Variants in ZPBP observed in about 807,000 individuals in gnomAD.
ZPBP encodes the protein zona pellucida binding protein.
Under a neutral mutation model 44.8 loss-of-function variants are expected in ZPBP, and 26 were observed. The ratio of observed to expected loss-of-function variants is 0.58; its 90% CI spans 0.43 to 0.81. ZPBP has a LOEUF of 0.81. Among genes scored for constraint, ZPBP ranks in the 30% least tolerant of loss-of-function variants. The pLI, the probability that ZPBP is intolerant of heterozygous loss-of-function variation, is 0.00. For synonymous variants in ZPBP, 174 were observed against 153.2 expected, an observed-to-expected ratio of 1.14 and a Z score of -1.00; for missense variants, 409 against 434.0, an observed-to-expected ratio of 0.94 and a Z score of 0.51.
At chr7:49,857,009 C>CAAAAAAA (rs59910243) in intron 2 of ZPBP, among the ~76,000 whole-genome samples, 7 of 52,786 alleles carry the variant, frequency 1.3e-4, no homozygotes, top group East Asian at 7.0e-4. Flanking sequence ...GATACTGTCT[C>CAAAAAAA]AAAAAAAAAA....
chr7:49,863,469 GT>G (rs1790748670), intron 2 of ZPBP, among the ~76,000 whole-genome samples: 1 of 151,794 alleles, frequency 6.6e-6, no homozygotes, highest in South Asian at 2.1e-4. Context: ...ATCTCACTCT[GT>G]CACACAGGCT....
intron 2 of ZPBP, among the ~76,000 whole-genome samples, chr7:50,084,437 C>T (rs1317140918): frequency 6.7e-6 from 1 of 150,276 alleles, no homozygotes; most frequent in East Asian, 1.9e-4. Context: ...TAAATAAAGG[C>T]TCAGTGAATT....
intron 7 of ZPBP, among the ~76,000 whole-genome samples, chr7:49,952,957 A>G (rs992065419): frequency 2.0e-5 from 3 of 152,102 alleles, no homozygotes; most frequent in African/African-American, 4.8e-5. Flanking sequence ...AAATAATAAT[A>G]ATAATTCAAT....
chr7:49,908,087 C>T lies in ZPBP; in HGVS notation n.412-6872G>A, dbSNP rs144434065. 5.3e-5 allele frequency among the ~76,000 whole-genome samples: 8 copies of T among 152,292 alleles called. No homozygotes were observed. The East Asian group carries it at 1.3e-3, about 26-fold the overall frequency. On this transcript the variant is annotated intron_variant and non_coding_transcript_variant, in intron 1 of 2. Coordinates refer to the ZPBP transcript ENST00000465922. ...AAGAAATATATTTTGGGACAAAATA[C>T]ATCTATTTCTTTCAGGGACCACTGT...
At chr7:49,933,103 A>C (rs981239803), downstream of ZPBP, among the ~76,000 whole-genome samples, 32 of 152,326 alleles carry the variant, frequency 2.1e-4, no homozygotes, top group Middle Eastern at 3.4e-3. Flanking sequence ...TGTATGAAAT[A>C]TTATAGTGAT....
intron 2 of ZPBP, among the ~76,000 whole-genome samples, chr7:49,892,114 G>T (rs993908390): frequency 3.7e-4 from 50 of 134,242 alleles, no homozygotes; most frequent in African/African-American, 1.4e-3. Flanking sequence ...GCGCAATCTC[G>T]GCTCACTGCA....
At chr7:50,046,659 G>T (rs1421922283) in intron 4 of ZPBP, among the ~76,000 whole-genome samples, 1 of 152,150 alleles carries the variant, frequency 6.6e-6, no homozygotes, top group Non-Finnish European at 1.5e-5. Flanking sequence ...ATGCTGGAGA[G>T]GATATGGAGA....
intron 5 of ZPBP, among the ~76,000 whole-genome samples, chr7:50,030,769 T>C (rs1489492227): frequency 6.6e-6 from 1 of 152,210 alleles, no homozygotes. Flanking sequence ...TGGTCTATGA[T>C]ATTAACCCGT....
intron 6 of ZPBP, among the ~76,000 whole-genome samples, chr7:50,004,828 C>A (rs894673009): frequency 2.0e-5 from 3 of 151,902 alleles, no homozygotes; most frequent in African/African-American, 7.3e-5. Context: ...AGTTGATCAG[C>A]ATAAGCATTA....
chr7:49,962,981 T>A lies in ZPBP; in HGVS notation c.961+20361A>T, dbSNP rs545654611. On this transcript the variant is annotated intron_variant, in intron 7 of 7. Coordinates refer to ENST00000046087, the MANE Select transcript of ZPBP (RefSeq NM_007009.3). ...TGAAGACAGAGCACATAGAGAGACC[T>A]GTTTCCAAAATATATAAAAAATCTT... Among the ~76,000 whole-genome samples, 3 of 151,548 alleles carry A rather than the reference T, an allele frequency of 2.0e-5. No homozygotes were observed. In the South Asian group the frequency reaches 6.2e-4, roughly 31 times the overall value.
chr7:49,981,129 T>G (rs1237555461), intron 7 of ZPBP, among the ~76,000 whole-genome samples: 2 of 143,902 alleles, frequency 1.4e-5, no homozygotes, highest in African/African-American at 5.1e-5. Flanking sequence ...AAATTGTGAT[T>G]ATATATATTT....
intron 2 of ZPBP, among the ~76,000 whole-genome samples, chr7:49,853,917 A>G (rs1790306392): frequency 7.7e-6 from 1 of 130,612 alleles, no homozygotes; most frequent in Non-Finnish European, 1.5e-5. Context: ...TCCTGTGTCC[A>G]AATGTTTTCA....
At chr7:49,902,762 G>A (rs1374922177) in intron 1 of ZPBP, among the ~76,000 whole-genome samples, 4 of 152,034 alleles carry the variant, frequency 2.6e-5, no homozygotes, top group South Asian at 2.1e-4. Context: ...GCATTTGATC[G>A]CATTGAAATA....
chr7:50,009,875 T>A (rs202068736), intron 6 of ZPBP, among the ~76,000 whole-genome samples: 1 of 102,588 alleles, frequency 9.7e-6, no homozygotes, highest in African/African-American at 2.7e-5. Context: ...AATTAAAACA[T>A]AACGTTCTTC....
chr7:49,888,941 A>T (rs551907426), intron 2 of ZPBP, among the ~76,000 whole-genome samples: 1 of 152,026 alleles, frequency 6.6e-6, no homozygotes, highest in Non-Finnish European at 1.5e-5. Context: ...ACAAAAAAAA[A>T]CAAAAGAAGT....
chr7:50,023,363 T>A (rs1018276746), intron 5 of ZPBP, among the ~76,000 whole-genome samples: 3 of 152,002 alleles, frequency 2.0e-5, no homozygotes, highest in Admixed American at 2.0e-4. Context: ...TGCCATGGTG[T>A]TATTATGGAA....
intron 1 of ZPBP, among the ~76,000 whole-genome samples, chr7:49,911,542 T>C (rs923001041): frequency 6.8e-6 from 1 of 146,760 alleles, no homozygotes; most frequent in Non-Finnish European, 1.5e-5. Flanking sequence ...AAAAGTAGAG[T>C]ATTTCATTAT....
At chr7:49,852,696 C>T (rs1000552513) in intron 2 of ZPBP, among the ~76,000 whole-genome samples, 4 of 151,876 alleles carry the variant, frequency 2.6e-5, no homozygotes, top group African/African-American at 7.3e-5. Context: ...GGATGGGGGA[C>T]GGGCCTTGCT....
intron 3 of ZPBP, among the ~76,000 whole-genome samples, chr7:50,071,662 C>T (rs981625265): frequency 1.3e-5 from 2 of 152,222 alleles, no homozygotes; most frequent in Middle Eastern, 3.4e-3. Context: ...CGCTGTCTTG[C>T]ATCTAAGATA....
Sources: gnomAD v4.1 joint callset for allele counts (sites outside exome capture counted in the v4.1 genomes callset) on GRCh38, gnomAD v4.1.1 for gene constraint, MANE v1.5 for transcripts, NCBI Gene and HGNC (gene_info 2026-07-23, HGNC 2026-07-21) for gene names.